The following STPG2 variants were observed in gnomAD, a reference collection of about 807,000 sequenced individuals.
STPG2 encodes the protein sperm tail PG-rich repeat containing 2.
STPG2 carries 56 observed loss-of-function variants against 54.2 expected under a neutral mutation model. The observed-to-expected ratio is 1.03, with a 90% confidence interval of 0.83 to 1.29. The LOEUF (loss-of-function observed/expected upper bound fraction) is 1.29. Ranked by LOEUF, STPG2 falls within the 50% of genes most tolerant of loss-of-function variation. The pLI is 0.00. For synonymous variants in STPG2, 200 were observed against 181.8 expected (o/e 1.10, Z -0.81); for missense variants, 596 against 544.9 (o/e 1.09, Z -0.93).
At chr4:97,721,706 G>A (rs964458852) in intron 9 of STPG2, among the ~76,000 whole-genome samples, 1 of 151,972 alleles carries the variant, frequency 6.6e-6, no homozygotes, top group African/African-American at 2.4e-5. Context: ...CATATGACTT[G>A]TTACAGCTCA....
intron 5 of STPG2, among the ~76,000 whole-genome samples, chr4:97,989,422 A>C (rs1195057249): frequency 6.6e-6 from 1 of 152,118 alleles, no homozygotes; most frequent in Admixed American, 6.5e-5. Flanking sequence ...ATAGTATGAA[A>C]CCCTATATAC....
At position 97,563,050 on chromosome 4, in the gene STPG2, C is replaced by T. The variant is rs954249127; in HGVS notation, c.1321-3933G>A. ...TCCTCCTTGTACCTCTGGTAGAATT[C>T]GGCTGTGAATCCATCTGGTCCTGGA... is the stretch of plus-strand genomic sequence containing the variant. On this transcript the variant is annotated intron_variant, in intron 10 of 10. Coordinates refer to ENST00000295268, the MANE Select transcript of STPG2 (RefSeq NM_174952.3). Among the ~76,000 whole-genome samples the T allele has an allele frequency of 3.9e-5, 6 of 151,974 alleles. No individual in the cohort carries two copies. In the East Asian group the frequency reaches 5.8e-4, roughly 15 times the overall value.
intron 10 of STPG2, among the ~76,000 whole-genome samples, chr4:97,667,764 T>C (rs1461107592): frequency 1.3e-5 from 2 of 152,184 alleles, no homozygotes; most frequent in Admixed American, 6.5e-5. Context: ...TGGAAAATGA[T>C]GGCAGGTGTC....
intron 4 of STPG2, among the ~76,000 whole-genome samples, chr4:97,487,856 AG>A (rs1054155911): frequency 6.6e-6 from 1 of 151,568 alleles, no homozygotes; most frequent in African/African-American, 2.4e-5. Context: ...ACCAATTTAT[AG>A]GAAAGTTTTT....
At chr4:97,804,180 T>A (rs1399584751) in intron 9 of STPG2, among the ~76,000 whole-genome samples, 1 of 152,224 alleles carries the variant, frequency 6.6e-6, no homozygotes, top group Non-Finnish European at 1.5e-5. Context: ...TATACCTTCT[T>A]TTAATCTAAC....
chr4:97,791,749 G>A (rs1197727368), intron 9 of STPG2, among the ~76,000 whole-genome samples: 1 of 151,736 alleles, frequency 6.6e-6, no homozygotes, highest in South Asian at 2.1e-4. Flanking sequence ...ATTTTATGAT[G>A]ATCTCAATAT....
At chr4:97,737,608 T>C (rs2149032608) in intron 9 of STPG2, among the ~76,000 whole-genome samples, 1 of 152,052 alleles carries the variant, frequency 6.6e-6, no homozygotes, top group Admixed American at 6.6e-5. Flanking sequence ...AGAAAGGGTA[T>C]CAGTGATGGA....
At chr4:98,007,579 T>C (rs2149279842) in intron 5 of STPG2, among the ~76,000 whole-genome samples, 1 of 152,204 alleles carries the variant, frequency 6.6e-6, no homozygotes, top group East Asian at 1.9e-4. Context: ...CCCCAAAGGA[T>C]TACACTAACT....
At chr4:97,623,781 T>C (rs1179681005) in intron 10 of STPG2, among the ~76,000 whole-genome samples, 2 of 152,154 alleles carry the variant, frequency 1.3e-5, no homozygotes, top group African/African-American at 4.8e-5. Flanking sequence ...CCTGATGCTC[T>C]TCCTCCCCCG....
intron 4 of STPG2, among the ~76,000 whole-genome samples, chr4:97,507,357 A>G (rs1043410349): frequency 1.3e-5 from 2 of 152,126 alleles, no homozygotes; most frequent in Non-Finnish European, 2.9e-5. Context: ...AATTGTATAT[A>G]TCTAACATAG....
At chr4:98,032,714 G>A (rs916077326) in intron 5 of STPG2, among the ~76,000 whole-genome samples, 9 of 152,126 alleles carry the variant, frequency 5.9e-5, no homozygotes, top group African/African-American at 9.7e-5. Flanking sequence ...CTCAGCAAAT[G>A]CAAAAGAACG....
At chr4:97,702,762 C>T (rs1307646351) in intron 10 of STPG2, among the ~76,000 whole-genome samples, 2 of 152,122 alleles carry the variant, frequency 1.3e-5, no homozygotes, top group Admixed American at 6.5e-5. Context: ...TCCCACACAT[C>T]CCCATTCAAA....
At chr4:97,922,535 G>T (rs943253846) in intron 8 of STPG2, among the ~76,000 whole-genome samples, 3 of 152,220 alleles carry the variant, frequency 2.0e-5, no homozygotes, top group Non-Finnish European at 4.4e-5. Context: ...AAAGTTGTTT[G>T]TAGTGCTGTG....
chr4:97,985,069 G>A (rs910161335), intron 5 of STPG2, among the ~76,000 whole-genome samples: 2 of 151,868 alleles, frequency 1.3e-5, no homozygotes, highest in African/African-American at 4.8e-5. Flanking sequence ...CAACATATAT[G>A]TTCTTTTGAG....
chr4:97,904,766 G>C (rs1286999284), intron 8 of STPG2, among the ~76,000 whole-genome samples: 1 of 152,200 alleles, frequency 6.6e-6, no homozygotes, highest in Non-Finnish European at 1.5e-5. Flanking sequence ...GCCTAAAGGA[G>C]CTGATGGAGC....
At chr4:97,732,659 G>A (rs539733530) in intron 9 of STPG2, among the ~76,000 whole-genome samples, 10 of 152,056 alleles carry the variant, frequency 6.6e-5, no homozygotes, top group Admixed American at 5.2e-4. Flanking sequence ...GGAAACTATG[G>A]ATGGGAGAAA....
intron 8 of STPG2, among the ~76,000 whole-genome samples, chr4:97,938,449 G>GTAA (rs1350427752): frequency 2.0e-4 from 2 of 10,110 alleles, no homozygotes; most frequent in African/African-American, 6.5e-4. Flanking sequence ...AGTAGCCACA[G>GTAA]TGACTAAGTC....
At chr4:97,495,623 T>G (rs979917175) in intron 4 of STPG2, among the ~76,000 whole-genome samples, 4 of 150,744 alleles carry the variant, frequency 2.7e-5, no homozygotes. Context: ...TTTACAGTGT[T>G]CAAAGGAAAC....
intron 10 of STPG2, among the ~76,000 whole-genome samples, chr4:97,653,188 G>A (rs1722122736): frequency 6.6e-6 from 1 of 151,886 alleles, no homozygotes; most frequent in South Asian, 2.1e-4. Flanking sequence ...TAGGGACTGA[G>A]GTATTGCAAG....
Sources: gnomAD v4.1 joint callset for allele counts (sites outside exome capture counted in the v4.1 genomes callset) on GRCh38, gnomAD v4.1.1 for gene constraint, MANE v1.5 for transcripts, NCBI Gene and HGNC (gene_info 2026-07-23, HGNC 2026-07-21) for gene names.